The following ALG6 variants were observed in gnomAD, a reference collection of about 807,000 sequenced individuals.
ALG6 encodes the protein ALG6 alpha-1,3-glucosyltransferase, also known as dolichyl pyrophosphate Man9GlcNAc2 alpha-1,3-glucosyltransferase.
A neutral mutation model predicts 66.6 loss-of-function variants in ALG6; 46 were observed. The ratio of observed to expected loss-of-function variants is 0.69; its 90% CI spans 0.55 to 0.88. ALG6 has a LOEUF of 0.88. ALG6 is among the 40% of genes least tolerant of loss of function. The pLI is 0.00. For synonymous variants in ALG6, 185 were observed against 203.7 expected, an observed-to-expected ratio of 0.91 and a Z score of 0.78; for missense variants, 505 against 586.8, an observed-to-expected ratio of 0.86 and a Z score of 1.44.
intron 1 of ALG6, among the ~76,000 whole-genome samples, chr1:63,369,630 A>G (rs1024130398): frequency 6.7e-6 from 1 of 148,506 alleles, no homozygotes; most frequent in Non-Finnish European, 1.5e-5. Flanking sequence ...GCTCCATCTC[A>G]AAAAAAAAGA....
rs766370160 is a variant in ALG6 at position 63,407,116 on chromosome 1, G to C, written c.484G>C (p.Gly162Arg). Residue 162 changes from glycine (G) to arginine (R), a missense_variant, in exon 7 of 15, where the codon GGA (glycine) becomes CGA (arginine). By Grantham distance (125) the Gly-to-Arg change is moderately radical (BLOSUM62 -2). Transcript: ENST00000263440. ...LYPGLILIDY[G>R]HFQYNSVSLG... ...TCCAGGCCTTATTCTTATAGACTAT[G>C]GACATTTTCAGTATCCTTTACTAAT... 6.2e-7 allele frequency: 1 copy of C among 1,606,432 alleles called. No homozygotes were observed. Among genetic ancestry groups the C allele is most frequent in the East Asian group, 2.2e-5 (1 of 44,698 alleles).
At chr1:63,403,828 G>T (rs978131540) in intron 4 of ALG6, among the ~76,000 whole-genome samples, 5 of 152,096 alleles carry the variant, frequency 3.3e-5, no homozygotes, top group African/African-American at 1.2e-4. Context: ...TAAAAATATG[G>T]TAGTACAATC....
intron 2 of ALG6, among the ~76,000 whole-genome samples, chr1:63,382,665 G>GTTTTTTTTTT (rs59236936): frequency 1.4e-4 from 13 of 93,590 alleles, no homozygotes; most frequent in Non-Finnish European, 2.3e-4. Flanking sequence ...GTTTTTTTTT[G>GTTTTTTTTTT]TTTTTTTTTT....
chr1:63,425,304 G>A (rs962449303), intron 12 of ALG6, among the ~76,000 whole-genome samples: 3 of 152,188 alleles, frequency 2.0e-5, no homozygotes, highest in African/African-American at 7.2e-5. Context: ...CATTGGGAAA[G>A]GGAGATGGGG....
At chr1:63,373,007 G>C (rs576098300) in intron 2 of ALG6, among the ~76,000 whole-genome samples, 1 of 151,164 alleles carries the variant, frequency 6.6e-6, no homozygotes, top group East Asian at 2.0e-4. Context: ...TATATGTTTT[G>C]TAAGACTTTT....
At chr1:63,379,984 A>G (rs1648252125) in intron 2 of ALG6, among the ~76,000 whole-genome samples, 1 of 151,840 alleles carries the variant, frequency 6.6e-6, no homozygotes, top group South Asian at 2.1e-4. Context: ...GGCAAAAGCA[A>G]CAGGTTTAAG....
chr1:63,374,910 A>G (rs1365755821), intron 2 of ALG6, among the ~76,000 whole-genome samples: 2 of 152,198 alleles, frequency 1.3e-5, no homozygotes, highest in African/African-American at 2.4e-5. Context: ...ATGTAAATAC[A>G]TACTACATAA....
intron 3 of ALG6, 45 bp from the exon 4 acceptor site, chr1:63,402,209 A>G (rs566287009): frequency 8.7e-7 from 1 of 1,146,174 alleles, no homozygotes; most frequent in Admixed American, 1.7e-5. Flanking sequence ...TACTTCTTGA[A>G]TATTGATTAA....
intron 2 of ALG6, among the ~76,000 whole-genome samples, chr1:63,393,494 G>A (rs1489495499): frequency 6.6e-6 from 1 of 152,190 alleles, no homozygotes; most frequent in South Asian, 2.1e-4. Context: ...AGTATTGTGA[G>A]AAGTCAGTAG....
chr1:63,429,149 GAC>G, intron 14 of ALG6, 23 bp downstream of exon 14: 1 of 1,528,722 alleles, frequency 6.5e-7, no homozygotes, highest in South Asian at 1.2e-5. Context: ...TTTAAGAAAT[GAC>G]ACATTTTTCA....
chr1:63,386,087 C>T (rs1259464744), intron 2 of ALG6, among the ~76,000 whole-genome samples: 2 of 152,070 alleles, frequency 1.3e-5, no homozygotes, highest in East Asian at 3.8e-4. Flanking sequence ...TGGTTTCTGT[C>T]CTTCATTGTG....
chr1:63,411,151 A>G lies in ALG6; in HGVS notation c.500A>G (p.Asn167Ser). 6.2e-7 allele frequency: 1 copy of G among 1,613,810 alleles called. No homozygotes were observed. Among genetic ancestry groups the G allele is most frequent in the Non-Finnish European group, 8.5e-7 (1 of 1,179,848 alleles). ...ILIDYGHFQY[N>S]SVSLGFALWG... ...TTTCCTTGACACAGGAACATATATA[A>G]TTCTGTGAGTCTTGGCTTTGCTTTG... is the stretch of plus-strand genomic sequence containing the variant. The change falls in exon 8 of 15, where the codon AAT becomes AGT. Residue 167 changes from asparagine to serine, a missense_variant. Physicochemically the swap from Asn to Ser is conservative, Grantham distance 46. Coordinates refer to ENST00000263440, the MANE Select transcript of ALG6 (RefSeq NM_013339.4).
intron 1 of ALG6, among the ~76,000 whole-genome samples, chr1:63,368,746 C>G (rs1231092659): frequency 6.6e-6 from 1 of 152,170 alleles, no homozygotes; most frequent in Admixed American, 6.5e-5. Flanking sequence ...GGTGATCCAC[C>G]TGCCTCGGCC....
intron 14 of ALG6, among the ~76,000 whole-genome samples, chr1:63,432,505 C>T (rs532041439): frequency 5.2e-4 from 79 of 152,236 alleles, no homozygotes; most frequent in Non-Finnish European, 9.3e-4. Context: ...TAAGGCATAT[C>T]ACATTACATT....
At chr1:63,410,759 T>G (rs1470678691) in intron 7 of ALG6, among the ~76,000 whole-genome samples, 3 of 152,052 alleles carry the variant, frequency 2.0e-5, no homozygotes, top group African/African-American at 7.2e-5. Context: ...TGTAGCGATC[T>G]CAGTAAATTT....
intron 1 of ALG6, among the ~76,000 whole-genome samples, 167 bp from the exon 2 acceptor site, chr1:63,370,604 C>T (rs1374569644): frequency 6.6e-6 from 1 of 152,030 alleles, no homozygotes; most frequent in African/African-American, 2.4e-5. Flanking sequence ...GATGTATATT[C>T]CCAACTAAAG....
intron 2 of ALG6, among the ~76,000 whole-genome samples, chr1:63,372,421 A>G (rs940771647): frequency 6.6e-6 from 1 of 152,100 alleles, no homozygotes; most frequent in Non-Finnish European, 1.5e-5. Context: ...CTATATACGA[A>G]GATACATATA....
intron 4 of ALG6, among the ~76,000 whole-genome samples, chr1:63,403,019 C>CAGG (rs1450729585): frequency 6.8e-6 from 1 of 146,576 alleles, no homozygotes; most frequent in African/African-American, 2.5e-5. Context: ...CGCTTGAACC[C>CAGG]AGGAGGTGGA....
chr1:63,427,631 C>T, intron 12 of ALG6, among the ~76,000 whole-genome samples: 1 of 151,924 alleles, frequency 6.6e-6, no homozygotes, highest in East Asian at 1.9e-4. Context: ...TGCTCAAGGT[C>T]ACACAGTAAA....
Sources: gnomAD v4.1 joint callset for allele counts (sites outside exome capture counted in the v4.1 genomes callset) on GRCh38, gnomAD v4.1.1 for gene constraint, MANE v1.5 for transcripts, NCBI Gene and HGNC (gene_info 2026-07-23, HGNC 2026-07-21) for gene names.